Variants in DLG2 observed in about 807,000 individuals in gnomAD.
DLG2 encodes the protein discs large MAGUK scaffold protein 2.
DLG2 carries 45 observed loss-of-function variants against 132.5 expected under a neutral mutation model. That is an observed-to-expected ratio of 0.34 (90% CI 0.27 to 0.44). The LOEUF is 0.44. Among genes scored for constraint, DLG2 ranks in the 20% least tolerant of loss-of-function variants. DLG2 has a pLI of 1.00. For missense variants in DLG2, 1,045 were observed against 1,196.9 expected (o/e 0.87, Z 1.87); for synonymous variants, 424 against 419.6 (o/e 1.01, Z -0.13).
intron 6 of DLG2, among the ~76,000 whole-genome samples, chr11:84,813,595 G>C (rs1363494244): frequency 1.2e-4 from 18 of 152,236 alleles, no homozygotes; most frequent in Non-Finnish European, 2.2e-4. Context: ...GATATGTCCA[G>C]ATTGATGGGG....
intron 4 of DLG2, among the ~76,000 whole-genome samples, chr11:85,230,299 T>A (rs2075226052): frequency 6.6e-6 from 1 of 151,870 alleles, no homozygotes; most frequent in South Asian, 2.1e-4. Context: ...TGCTCACAAT[T>A]TTTGGTGATT....
At chr11:83,675,204 G>T (rs1454376904) in intron 18 of DLG2, among the ~76,000 whole-genome samples, 1 of 152,158 alleles carries the variant, frequency 6.6e-6, no homozygotes, top group Non-Finnish European at 1.5e-5. Flanking sequence ...ATTGCCAAAG[G>T]CTGAAGAACT....
intron 8 of DLG2, among the ~76,000 whole-genome samples, chr11:84,171,332 T>C (rs992575721): frequency 4.6e-5 from 7 of 152,200 alleles, no homozygotes; most frequent in Admixed American, 4.6e-4. Flanking sequence ...TCTGGGCTTT[T>C]AGTGTAAGGA....
intron 6 of DLG2, among the ~76,000 whole-genome samples, chr11:84,595,485 T>TAAAA (rs111591484): frequency 3.7e-5 from 5 of 135,804 alleles, no homozygotes; most frequent in Non-Finnish European, 8.0e-5. Flanking sequence ...TTCCTTTTTC[T>TAAAA]AAAAAAAAAA....
intron 5 of DLG2, among the ~76,000 whole-genome samples, chr11:85,131,433 G>T (rs1228252802): frequency 6.6e-6 from 1 of 152,058 alleles, no homozygotes; most frequent in African/African-American, 2.4e-5. Flanking sequence ...AACACCTCAG[G>T]AAGAGTAACA....
At position 83,522,929 on chromosome 11, in the gene DLG2, A is replaced by G. The variant is rs369094044; in HGVS notation, c.2193+9779T>C. On this transcript the variant is annotated intron_variant, in intron 21 of 27. Transcript: ENST00000376104. ...TATTACACGTGCTATTATTTTTTAA[A>G]AAAACCTTTTTACCCACATATAAAC... 1.1e-3 allele frequency among the ~76,000 whole-genome samples: 160 copies of G among 152,188 alleles called. 1 individual carries two copies. Among genetic ancestry groups the G allele is most frequent in the Middle Eastern group, 0.01 (3 of 294 alleles).
At chr11:84,142,934 C>CATATAT (rs145689413) in intron 9 of DLG2, among the ~76,000 whole-genome samples, 12 of 150,934 alleles carry the variant, frequency 8.0e-5, no homozygotes, top group African/African-American at 2.9e-4. Context: ...TAAATCCCCT[C>CATATAT]ATATATATAT....
At chr11:84,747,747 A>T (rs895399979) in intron 6 of DLG2, among the ~76,000 whole-genome samples, 4 of 152,142 alleles carry the variant, frequency 2.6e-5, no homozygotes, top group African/African-American at 7.2e-5. Flanking sequence ...TATGGTACAT[A>T]CTTCTTATAT....
chr11:83,967,552 C>T (rs538052243), intron 12 of DLG2, among the ~76,000 whole-genome samples: 42 of 152,236 alleles, frequency 2.8e-4, no homozygotes, highest in Admixed American at 5.2e-4. Context: ...AATATTTATT[C>T]ATGTCCTCTG....
chr11:84,182,959 TA>T (rs2096180142), intron 8 of DLG2, among the ~76,000 whole-genome samples: 1 of 152,280 alleles, frequency 6.6e-6, no homozygotes, highest in Admixed American at 6.5e-5. Context: ...ATATACTGAA[TA>T]ACTTTATGCT....
intron 18 of DLG2, among the ~76,000 whole-genome samples, chr11:83,760,880 G>C (rs1289484344): frequency 6.6e-6 from 1 of 152,002 alleles, no homozygotes; most frequent in Non-Finnish European, 1.5e-5. Context: ...CCTACATCAA[G>C]TACATCATGG....
chr11:83,561,622 T>C (rs1020892184), intron 19 of DLG2, among the ~76,000 whole-genome samples: 2 of 152,252 alleles, frequency 1.3e-5, no homozygotes, highest in African/African-American at 2.4e-5. Flanking sequence ...AAGAATCACA[T>C]ACAGTGCTGA....
At chr11:83,928,033 T>G (rs777903952) in intron 15 of DLG2, among the ~76,000 whole-genome samples, 5 of 152,072 alleles carry the variant, frequency 3.3e-5, no homozygotes, top group African/African-American at 7.2e-5. Context: ...TTGGTGTCAA[T>G]GCACTGGTAG....
intron 17 of DLG2, among the ~76,000 whole-genome samples, chr11:83,830,227 G>C (rs2054092308): frequency 6.6e-6 from 1 of 152,150 alleles, no homozygotes; most frequent in Admixed American, 6.5e-5. Context: ...TATATTCTGT[G>C]AATTATAATA....
intron 7 of DLG2, among the ~76,000 whole-genome samples, chr11:84,472,984 A>T (rs573817389): frequency 6.6e-5 from 10 of 152,198 alleles, no homozygotes; most frequent in African/African-American, 2.2e-4. Context: ...GTAAGCCAGA[A>T]AAATTGCCCA....
chr11:83,651,898 A>C (rs1013520244), intron 18 of DLG2: 9 of 471,008 alleles, frequency 1.9e-5, no homozygotes, highest in African/African-American at 6.0e-5. Context: ...TGGCTAGAAG[A>C]AGCCCTGGTG....
At chr11:83,484,420 T>C (rs2093363380) in intron 21 of DLG2, among the ~76,000 whole-genome samples, 192 bp from the exon 22 acceptor site, 2 of 152,124 alleles carry the variant, frequency 1.3e-5, no homozygotes, top group Admixed American at 1.3e-4. Flanking sequence ...TGGTGGCACC[T>C]TGGAAAAATT....
intron 4 of DLG2, among the ~76,000 whole-genome samples, chr11:85,284,830 TTA>T (rs144723190): frequency 0.045 from 6,871 of 151,958 alleles, 196 homozygotes; most frequent in East Asian, 0.094. Flanking sequence ...ACTGATCATT[TTA>T]TATTCTTGCC....
rs145264436 is a variant in DLG2 at position 84,255,360 on chromosome 11, A to G, written c.520-4069T>C. The stretch of plus-strand genomic sequence containing the variant: ...TATTTTTGAGATGGGGTCTCGCTCT[A>G]TCACCCAGGCTGGAGTACAGTGGTG... On this transcript the variant is annotated intron_variant, in intron 7 of 27. Coordinates refer to ENST00000376104, the MANE Select transcript of DLG2 (RefSeq NM_001142699.3). Among the ~76,000 whole-genome samples, 99 of 152,122 alleles carry G rather than the reference A, an allele frequency of 6.5e-4. 1 individual carries two copies. In the East Asian group the frequency reaches 0.013, roughly 20 times the overall value.
Sources: allele counts gnomAD v4.1 joint callset (sites outside exome capture counted in the v4.1 genomes callset), GRCh38; gene constraint gnomAD v4.1.1; transcripts MANE v1.5; gene names NCBI Gene and HGNC (gene_info 2026-07-23, HGNC 2026-07-21).